The following ADGRV1 variants were observed in gnomAD, a reference collection of about 807,000 sequenced individuals.
ADGRV1 encodes adhesion G protein-coupled receptor V1, also known as G-protein coupled receptor 98.
In ADGRV1, 359 loss-of-function variants were observed where a neutral mutation model predicts 596.2. That is an observed-to-expected ratio of 0.60 (90% CI 0.55 to 0.66). The LOEUF is 0.66. ADGRV1 is among the 30% of genes least tolerant of loss of function. The pLI, the probability that ADGRV1 is intolerant of heterozygous loss-of-function variation, is 0.00. For missense variants in ADGRV1, 7,274 were observed against 7,575.6 expected, an observed-to-expected ratio of 0.96 and a Z score of 1.48; for synonymous variants, 2,681 against 2,679.2, an observed-to-expected ratio of 1.00 and a Z score of -0.02.
intron 34 of ADGRV1, among the ~76,000 whole-genome samples, chr5:90,699,928 AC>A (rs1747682967): frequency 6.6e-6 from 1 of 152,174 alleles, no homozygotes; most frequent in African/African-American, 2.4e-5. Flanking sequence ...TCAATCTAAA[AC>A]ACCAAATTGC....
At chr5:90,887,702 A>G (rs1770438945) in intron 83 of ADGRV1, among the ~76,000 whole-genome samples, 1 of 152,246 alleles carries the variant, frequency 6.6e-6, no homozygotes, top group East Asian at 1.9e-4. Context: ...ATAAAAAATA[A>G]CAAATTTGAT....
chr5:90,972,691 A>G (rs1362196285), intron 84 of ADGRV1, among the ~76,000 whole-genome samples: 4 of 152,200 alleles, frequency 2.6e-5, no homozygotes, highest in Admixed American at 6.5e-5. Flanking sequence ...TCTCTGGGAC[A>G]CATTCAAAGC....
intron 27 of ADGRV1, among the ~76,000 whole-genome samples, 188 bp downstream of exon 27, chr5:90,681,642 C>G (rs1744945806): frequency 6.6e-6 from 1 of 152,028 alleles, no homozygotes; most frequent in Non-Finnish European, 1.5e-5. Flanking sequence ...TAGTATTGCA[C>G]ATGGAGTCAT....
chr5:91,044,940 G>A (rs576941287), intron 85 of ADGRV1, among the ~76,000 whole-genome samples: 2 of 152,262 alleles, frequency 1.3e-5, no homozygotes, highest in South Asian at 4.1e-4. Context: ...AAATTCAGAT[G>A]TAGGAAGATT....
chr5:91,111,286 G>A lies in ADGRV1; in HGVS notation c.18432+8946G>A, dbSNP rs145614666. On this transcript the variant is annotated intron_variant, in intron 87 of 89. Transcript: ENST00000405460. Reference sequence around the variant, plus strand: ...TACCCTTTCTTTTCTTGTTTTCTATGTGTCTCTCGTTGCTATATGTTGAAT... The same window carrying A: ...TACCCTTTCTTTTCTTGTTTTCTATATGTCTCTCGTTGCTATATGTTGAAT... Among the ~76,000 whole-genome samples, 62 of 152,038 alleles carry A rather than the reference G, an allele frequency of 4.1e-4. No individual in the cohort carries two copies. The East Asian group carries it at 0.011, about 28-fold the overall frequency.
intron 85 of ADGRV1, among the ~76,000 whole-genome samples, chr5:91,006,727 C>T (rs894265305): frequency 2.6e-5 from 4 of 152,034 alleles, no homozygotes; most frequent in African/African-American, 9.7e-5. Context: ...GTATATTAAG[C>T]ATTTATAATT....
intron 65 of ADGRV1, among the ~76,000 whole-genome samples, chr5:90,782,435 G>A (rs772194759): frequency 1.3e-5 from 2 of 151,878 alleles, no homozygotes; most frequent in Non-Finnish European, 2.9e-5. Flanking sequence ...ATTATCTTTG[G>A]GAATTTTGGT....
Position 90,629,437 on chromosome 5 carries a change from G to A in ADGRV1, c.1737G>A (p.Arg579=), listed in dbSNP as rs776587193. The A allele has an allele frequency of 1.9e-6, 3 of 1,613,594 alleles. No homozygotes were observed. The East Asian group carries it at 6.7e-5, about 36-fold the overall frequency. Residue 579 remains arginine (R), a synonymous_variant, in exon 9 of 90, where the codon AGG becomes AGA. Transcript: ENST00000405460. ...QAKEGILNIS[R]RNDLIFPEQK... ...AAGAAGGCATCTTAAATATATCAAG[G>A]AGAAATGACCTCATTTTTCCAGAGC...
intron 38 of ADGRV1, among the ~76,000 whole-genome samples, chr5:90,706,965 A>G (rs1353451830): frequency 6.6e-6 from 1 of 152,058 alleles, no homozygotes; most frequent in Non-Finnish European, 1.5e-5. Flanking sequence ...CATGTCCGTG[A>G]TAAAGAATTT....
intron 85 of ADGRV1, among the ~76,000 whole-genome samples, chr5:91,035,861 T>TATAAAA: frequency 2.1e-5 from 2 of 96,402 alleles, no homozygotes; most frequent in South Asian, 3.5e-4. Flanking sequence ...TATATATATA[T>TATAAAA]TATATATATA....
intron 33 of ADGRV1, among the ~76,000 whole-genome samples, chr5:90,696,573 A>G (rs906026329): frequency 3.3e-5 from 5 of 152,114 alleles, no homozygotes; most frequent in African/African-American, 1.2e-4. Flanking sequence ...ACTTTCCTAA[A>G]GGGAGTTGTT....
At chr5:90,874,387 T>G (rs1769016580) in intron 83 of ADGRV1, among the ~76,000 whole-genome samples, 1 of 152,238 alleles carries the variant, frequency 6.6e-6, no homozygotes, top group African/African-American at 2.4e-5. Flanking sequence ...CTCATCACTG[T>G]TATGTTTATT....
At chr5:90,821,727 T>G (rs555459693) in intron 75 of ADGRV1, among the ~76,000 whole-genome samples, 4 of 150,358 alleles carry the variant, frequency 2.7e-5, no homozygotes, top group South Asian at 2.1e-4. Context: ...TTAGGCTGCT[T>G]CGGGGTCAGG....
intron 87 of ADGRV1, among the ~76,000 whole-genome samples, chr5:91,120,709 C>T (rs1054372251): frequency 1.3e-5 from 2 of 152,098 alleles, no homozygotes; most frequent in African/African-American, 4.8e-5. Context: ...GGGGCCTGTT[C>T]TAGACTAGTA....
intron 75 of ADGRV1, among the ~76,000 whole-genome samples, chr5:90,821,594 G>C (rs1763514338): frequency 6.6e-6 from 1 of 150,918 alleles, no homozygotes; most frequent in Non-Finnish European, 1.5e-5. Context: ...ATGGGTTTTT[G>C]GTGTGGATGT....
chr5:91,030,896 T>A (rs1784429859), intron 85 of ADGRV1: 1 of 541,074 alleles, frequency 1.8e-6, no homozygotes, highest in Admixed American at 3.3e-5. Flanking sequence ...CACAATTTCC[T>A]GAGATCTGTG....
chr5:90,752,798 C>T (rs901627359), intron 53 of ADGRV1, among the ~76,000 whole-genome samples: 1 of 152,114 alleles, frequency 6.6e-6, no homozygotes, highest in Non-Finnish European at 1.5e-5. Context: ...TGGAATCAAC[C>T]TAAATGTCCA....
At chr5:91,139,256 C>T (rs1400446082) in intron 87 of ADGRV1, among the ~76,000 whole-genome samples, 1 of 152,132 alleles carries the variant, frequency 6.6e-6, no homozygotes, top group Non-Finnish European at 1.5e-5. Context: ...ATACGAAGTT[C>T]CATTATAATG....
intron 20 of ADGRV1, among the ~76,000 whole-genome samples, chr5:90,656,062 C>T (rs1769368009): frequency 1.3e-5 from 2 of 152,074 alleles, no homozygotes; most frequent in Non-Finnish European, 2.9e-5. Flanking sequence ...CTCCATGAAC[C>T]ACTGTAACAT....
Sources: allele counts gnomAD v4.1 joint callset (sites outside exome capture counted in the v4.1 genomes callset), GRCh38; gene constraint gnomAD v4.1.1; transcripts MANE v1.5; gene names NCBI Gene and HGNC (gene_info 2026-07-23, HGNC 2026-07-21).